ATP6V0D1: variants seen among roughly 807,000 people sequenced by gnomAD.
ATP6V0D1 encodes V-type proton ATPase subunit d 1.
In ATP6V0D1, 13 loss-of-function variants were observed where a neutral mutation model predicts 39.0. The observed-to-expected ratio is 0.33, with a 90% CI of 0.22 to 0.53. The LOEUF is 0.53. Ranked by LOEUF, ATP6V0D1 falls within the 20% of genes least tolerant of loss-of-function variation. ATP6V0D1 has a pLI of 0.94. For synonymous variants in ATP6V0D1, 191 were observed against 191.2 expected (o/e 1.00, Z 0.01); for missense variants, 272 against 470.9 (o/e 0.58, Z 3.91).
intron 1 of ATP6V0D1, among the ~76,000 whole-genome samples, chr16:67,467,701 CAGA>C (rs965858649): frequency 6.6e-6 from 1 of 152,208 alleles, no homozygotes; most frequent in Non-Finnish European, 1.5e-5. Context: ...TGGCTCCACA[CAGA>C]AGAACTCAAG....
intron 7 of ATP6V0D1, 33 bp from the exon 8 acceptor site, chr16:67,438,722 G>A (rs1291647291): frequency 2.5e-6 from 4 of 1,614,132 alleles, no homozygotes; most frequent in Non-Finnish European, 3.4e-6. Flanking sequence ...TGTCCAGGTG[G>A]CCATGGCCAC....
intron 4 of ATP6V0D1, 59 bp from the exon 5 acceptor site, chr16:67,439,410 G>T: frequency 6.6e-7 from 1 of 1,517,330 alleles, no homozygotes; most frequent in Non-Finnish European, 9.1e-7. Context: ...GGCTTGCTAG[G>T]CACAAGCCCT....
At chr16:67,479,917 C>CTCTGGAGCTGTGTGCTGA (rs2041450809) in intron 1 of ATP6V0D1, among the ~76,000 whole-genome samples, 2 of 140,520 alleles carry the variant, frequency 1.4e-5, no homozygotes, top group African/African-American at 3.3e-5. Flanking sequence ...GTCAACGCCA[C>CTCTGGAGCTGTGTGCTGA]GGCCGGGCGC....
chr16:67,465,368 G>C (rs2041320940), intron 1 of ATP6V0D1, among the ~76,000 whole-genome samples: 2 of 152,212 alleles, frequency 1.3e-5, no homozygotes, highest in Non-Finnish European at 2.9e-5. Flanking sequence ...CCCTCAGAGG[G>C]AGTGCCAAAT....
rs1463454613 is a variant in ATP6V0D1, at chr16:67,447,487, C to T, written c.303-2781G>A. On this transcript the variant is annotated intron_variant, in intron 2 of 7. Coordinates refer to ENST00000290949, the MANE Select transcript of ATP6V0D1 (RefSeq NM_004691.5). This position sits in a 1 kb window ranked among gnomAD's most constrained non-coding sequence, Gnocchi z 4.1. ...CCCTGCCCCCAGAAAGCCACTCCAC[C>T]ATTCCTCCCCTCATTTGGCCTCAAT... Among the ~76,000 whole-genome samples, 3 of 152,246 alleles carry T rather than the reference C, an allele frequency of 2.0e-5. No individual in the cohort carries two copies. Among genetic ancestry groups the T allele is most frequent in the African/African-American group, 7.2e-5 (3 of 41,456 alleles).
intron 1 of ATP6V0D1, among the ~76,000 whole-genome samples, chr16:67,469,468 T>C (rs113778572): frequency 2.4e-4 from 37 of 152,318 alleles, no homozygotes; most frequent in Admixed American, 3.9e-4. Context: ...ACAGTGGCTA[T>C]ACCTGGACAG....
In ATP6V0D1 at chr16:67,468,094, G is replaced by C. The variant is rs3859054; in HGVS notation, c.130+12863C>G. 2.1e-4 allele frequency among the ~76,000 whole-genome samples: 32 copies of C among 152,280 alleles called. No individual in the cohort carries two copies. In the South Asian group the frequency reaches 6.0e-3, roughly 29 times the overall value. ...AGTGTATGCCACTTAAGAAAGCAGGGAGCCTGGGCAACATAGTGAGACCCT... is the reference window on the plus strand; with the variant it reads ...AGTGTATGCCACTTAAGAAAGCAGGCAGCCTGGGCAACATAGTGAGACCCT... On this transcript the variant is annotated intron_variant, in intron 1 of 7. Transcript: ENST00000290949.
chr16:67,470,644 C>A (rs2041365431), intron 1 of ATP6V0D1, among the ~76,000 whole-genome samples: 1 of 152,222 alleles, frequency 6.6e-6, no homozygotes, highest in African/African-American at 2.4e-5. Flanking sequence ...CTGGTGACTT[C>A]CAGGTTAATA....
intron 2 of ATP6V0D1, among the ~76,000 whole-genome samples, chr16:67,449,753 A>G (rs1298273405): frequency 6.6e-6 from 1 of 152,202 alleles, no homozygotes; most frequent in Non-Finnish European, 1.5e-5. Flanking sequence ...GGCACTGTCT[A>G]TACTATCACT....
intron 1 of ATP6V0D1, among the ~76,000 whole-genome samples, chr16:67,459,690 G>A (rs2041273989): frequency 6.6e-6 from 1 of 152,244 alleles, no homozygotes; most frequent in African/African-American, 2.4e-5. Context: ...TGCCAACCCA[G>A]AAGGGGATCT....
intron 3 of ATP6V0D1, among the ~76,000 whole-genome samples, chr16:67,443,907 G>T (rs2041084531): frequency 6.6e-6 from 1 of 152,224 alleles, no homozygotes; most frequent in Non-Finnish European, 1.5e-5. Flanking sequence ...CTTAGAGGTG[G>T]TACCCCAGGC....
intron 1 of ATP6V0D1, among the ~76,000 whole-genome samples, chr16:67,474,465 G>A (rs1212315289): frequency 6.6e-6 from 1 of 152,174 alleles, no homozygotes; most frequent in Admixed American, 6.5e-5. Flanking sequence ...GGTCTCCTAT[G>A]ACCTCTGAAT....
At chr16:67,454,922 C>G (rs925109946) in intron 1 of ATP6V0D1, 2 of 152,436 alleles carry the variant, frequency 1.3e-5, no homozygotes, top group African/African-American at 4.8e-5. Flanking sequence ...CTGTCTCCCC[C>G]TCTTCCTTCA....
At chr16:67,477,253 T>C (rs1030547138) in intron 1 of ATP6V0D1, among the ~76,000 whole-genome samples, 6 of 152,070 alleles carry the variant, frequency 3.9e-5, no homozygotes, top group African/African-American at 1.4e-4. Context: ...AATCTATATA[T>C]TAAAATACTT....
At chr16:67,474,246 C>CT (rs2041397824) in intron 1 of ATP6V0D1, among the ~76,000 whole-genome samples, 1 of 152,220 alleles carries the variant, frequency 6.6e-6, no homozygotes, top group Non-Finnish European at 1.5e-5. Flanking sequence ...GTCCCAGGCC[C>CT]TGTGCTTACA....
chr16:67,438,795 C>T lies in ATP6V0D1; in HGVS notation c.892G>A (p.Glu298Lys). Reference protein sequence around the residue: ...KTLEDRFFEHEVKLNKLAFLN... With the variant: ...KTLEDRFFEHKVKLNKLAFLN... ...ACAAGCAGACCCTGCAGACTCACCT[C>T]GTGCTCAAAGAATCGGTCCTCCAGC... is the stretch of plus-strand genomic sequence containing the variant. The change falls in exon 7 of 8, where the codon GAG becomes AAG. Residue 298 changes from glutamate (E) to lysine (K), a missense_variant and splice_region_variant. By Grantham distance (56) the Glu-to-Lys change is moderately conservative. Coordinates refer to ENST00000290949, the MANE Select transcript of ATP6V0D1 (RefSeq NM_004691.5). The T allele has an allele frequency of 1.2e-6, 2 of 1,614,034 alleles. No homozygotes were observed. Among genetic ancestry groups the T allele is most frequent in the Non-Finnish European group, 1.7e-6 (2 of 1,180,028 alleles).
intron 1 of ATP6V0D1, among the ~76,000 whole-genome samples, chr16:67,478,607 C>G (rs2041436134): frequency 7.5e-6 from 1 of 134,188 alleles, no homozygotes; most frequent in African/African-American, 2.8e-5. Context: ...GGGCTAGACT[C>G]TGTCTCAAAA....
chr16:67,445,506 C>T (rs753455850), intron 2 of ATP6V0D1, among the ~76,000 whole-genome samples: 3 of 152,194 alleles, frequency 2.0e-5, no homozygotes, highest in Non-Finnish European at 4.4e-5. Flanking sequence ...GGCAGACCTG[C>T]ACAGCCTATG....
chr16:67,479,092 T>G (rs1230665821), intron 1 of ATP6V0D1, among the ~76,000 whole-genome samples: 1 of 152,132 alleles, frequency 6.6e-6, no homozygotes, highest in African/African-American at 2.4e-5. Context: ...TGCTGGCAGA[T>G]GCCTACTACC....
Sources: allele counts gnomAD v4.1 joint callset (sites outside exome capture counted in the v4.1 genomes callset), GRCh38; gene constraint gnomAD v4.1.1; non-coding constraint Gnocchi (gnomAD v3.1); transcripts MANE v1.5; gene names NCBI Gene and HGNC (gene_info 2026-07-23, HGNC 2026-07-21).